The following EEF1AKMT2 variants were observed in gnomAD, a reference collection of about 807,000 sequenced individuals.
EEF1AKMT2 encodes the protein EEF1A lysine methyltransferase 2.
EEF1AKMT2 carries 32 observed loss-of-function variants against 35.8 expected under a neutral mutation model. The observed-to-expected ratio is 0.89, with a 90% CI of 0.67 to 1.20. The LOEUF is 1.20. Ranked by LOEUF, EEF1AKMT2 falls within the 50% of genes most tolerant of loss-of-function variation. The pLI is 0.00. For missense variants in EEF1AKMT2, 330 were observed against 347.5 expected (o/e 0.95, Z 0.40); for synonymous variants, 121 against 133.7 (o/e 0.91, Z 0.65).
At chr10:124,772,686 C>G (rs1365027353) in intron 4 of EEF1AKMT2, among the ~76,000 whole-genome samples, 1 of 152,136 alleles carries the variant, frequency 6.6e-6, no homozygotes, top group African/African-American at 2.4e-5. Context: ...CCTTGGCCTC[C>G]CAAAGTGCTA....
chr10:124,790,174 TA>T, intron 2 of EEF1AKMT2, 98 bp downstream of exon 2: 1 of 929,794 alleles, frequency 1.1e-6, no homozygotes, highest in Non-Finnish European at 1.7e-6. Context: ...ATTACAGGCG[TA>T]AGCCACCGCG....
intron 4 of EEF1AKMT2, among the ~76,000 whole-genome samples, chr10:124,773,119 G>C (rs1950452503): frequency 6.6e-6 from 1 of 152,226 alleles, no homozygotes; most frequent in African/African-American, 2.4e-5. Flanking sequence ...TTTAGAGTGA[G>C]AGATGTGTGA....
Position 124,791,804 on chromosome 10 carries a change from G to T in EEF1AKMT2, c.30C>A (p.Gly10=), listed in dbSNP as rs533996427. The change falls in exon 1 of 7, where the codon GGC becomes GGA. Residue 10 remains glycine, a synonymous_variant. Coordinates refer to ENST00000368836, the MANE Select transcript of EEF1AKMT2 (RefSeq NM_212554.4). ...TGTCCGACCGCGCCGCCACCGCAGCGCCACCGCCGCCGTCAGCGCCCGAGC... is the reference window on the plus strand; with the variant it reads ...TGTCCGACCGCGCCGCCACCGCAGCTCCACCGCCGCCGTCAGCGCCCGAGC... MSSGADGGG[G]AAVAARSDKG... The T allele has an allele frequency of 6.3e-7, 1 of 1,587,072 alleles. No homozygotes were observed. Among genetic ancestry groups the T allele is most frequent in the Non-Finnish European group, 8.5e-7 (1 of 1,172,208 alleles).
rs759649895 is a variant in EEF1AKMT2 at position 124,760,370 on chromosome 10, G to C, written c.*133C>G. On this transcript the variant is annotated 3_prime_UTR_variant, in exon 7 of 7. Transcript: ENST00000368836. ...TGTGTCAGGTTAACTTTGCTGTGTA[G>C]ATTCTGTGTAGCTACCTGAATTCGT... 1 of 1,417,490 alleles carries C rather than the reference G, an allele frequency of 7.1e-7. No homozygotes were observed. The highest frequency in any genetic ancestry group is 1.2e-5 in the South Asian group (1 of 85,302). 87.8% of individuals were successfully genotyped at this position (1,417,490 alleles called of 1,614,324 possible).
intron 3 of EEF1AKMT2, among the ~76,000 whole-genome samples, chr10:124,781,758 A>T (rs1021412421): frequency 1.3e-5 from 2 of 151,924 alleles, no homozygotes; most frequent in African/African-American, 4.8e-5. Flanking sequence ...GAAAGAAAAA[A>T]AAAAAGCTCA....
At chr10:124,783,972 G>A (rs965364866) in intron 3 of EEF1AKMT2, among the ~76,000 whole-genome samples, 5 of 152,100 alleles carry the variant, frequency 3.3e-5, no homozygotes, top group African/African-American at 1.2e-4. Flanking sequence ...TTACAGGCAT[G>A]CACCACCACG....
intron 4 of EEF1AKMT2, 122 bp from the exon 5 acceptor site, chr10:124,765,730 T>A: frequency 2.9e-6 from 2 of 691,584 alleles, no homozygotes; most frequent in South Asian, 4.1e-5. Flanking sequence ...ATTTTACATA[T>A]AATAAACATA....
At chr10:124,766,844 C>G (rs571864529) in intron 4 of EEF1AKMT2, among the ~76,000 whole-genome samples, 10 of 152,288 alleles carry the variant, frequency 6.6e-5, no homozygotes, top group African/African-American at 9.6e-5. Flanking sequence ...TTGTCAGGTA[C>G]TTTTCAGACC....
chr10:124,784,064 T>C (rs551727659), intron 3 of EEF1AKMT2, among the ~76,000 whole-genome samples: 5 of 152,256 alleles, frequency 3.3e-5, no homozygotes, highest in Non-Finnish European at 7.4e-5. Context: ...CCTCAGGTGA[T>C]CTGCCCACCT....
At chr10:124,761,021 C>A (rs1053158541) in intron 6 of EEF1AKMT2, among the ~76,000 whole-genome samples, 2 of 152,198 alleles carry the variant, frequency 1.3e-5, no homozygotes, top group African/African-American at 4.8e-5. Flanking sequence ...TTATGCACCA[C>A]CACACCCGGC....
At chr10:124,785,521 C>A (rs116305993) in intron 3 of EEF1AKMT2, among the ~76,000 whole-genome samples, 1 of 152,044 alleles carries the variant, frequency 6.6e-6, no homozygotes, top group East Asian at 1.9e-4. Flanking sequence ...ATCCAGAATA[C>A]GTTAAAAATT....
chr10:124,777,037 T>C (rs1950493351), intron 3 of EEF1AKMT2, among the ~76,000 whole-genome samples: 1 of 151,880 alleles, frequency 6.6e-6, no homozygotes, highest in Non-Finnish European at 1.5e-5. Flanking sequence ...CCTATCATTT[T>C]GGGAGGCCAA....
chr10:124,767,077 C>T (rs1317376781), intron 4 of EEF1AKMT2, among the ~76,000 whole-genome samples: 3 of 146,802 alleles, frequency 2.0e-5, no homozygotes, highest in African/African-American at 7.7e-5. Flanking sequence ...AGGAGAATGG[C>T]GTGAACCCGG....
chr10:124,762,450 T>A lies in EEF1AKMT2; in HGVS notation c.725A>T (p.His242Leu), dbSNP rs949509317. 1.4e-5 allele frequency: 18 copies of A among 1,301,118 alleles called. No individual in the cohort carries two copies. The African/African-American group carries it at 2.6e-4, about 19-fold the overall frequency. 80.6% of individuals were successfully genotyped at this position (1,301,118 alleles called of 1,614,324 possible). Residue 242 changes from histidine to leucine, a missense_variant, in exon 6 of 7, where the codon CAT (histidine) becomes CTT (leucine). His to Leu is a moderately conservative substitution (Grantham distance 99, BLOSUM62 -3). Coordinates refer to ENST00000368836, the MANE Select transcript of EEF1AKMT2 (RefSeq NM_212554.4). ...SRVGGTTGTHHHAWIIFVFLA... is the reference protein window; with the variant it reads ...SRVGGTTGTHLHAWIIFVFLA... Reference sequence around the variant, plus strand: ...AAATACAAAAATTATCCAGGCATGATGATGTGTGCCTGTAGTTCCACCTAC... The same window carrying A: ...AAATACAAAAATTATCCAGGCATGAAGATGTGTGCCTGTAGTTCCACCTAC...
rs1159731709 is a variant in EEF1AKMT2, at chr10:124,760,155, AT to A, written c.*347del. 5.1e-6 allele frequency: 2 copies of A among 394,158 alleles called. No individual in the cohort carries two copies. The highest frequency in any genetic ancestry group is 1.2e-4 in the South Asian group (1 of 8,442). The allele number at this position is 394,158 out of a possible 1,614,324, so 24.4% of individuals were successfully genotyped here. ...TTTAACTGTTTAGCAGTTATAGGAA[AT>A]TTTTTTAATCGAAAAGAAAACTATT... is the stretch of plus-strand genomic sequence containing the variant. On this transcript the variant is annotated 3_prime_UTR_variant, in exon 7 of 7. Transcript: ENST00000368836.
chr10:124,774,559 A>T (rs535826505), intron 4 of EEF1AKMT2, 116 bp downstream of exon 4: 1 of 523,898 alleles, frequency 1.9e-6, no homozygotes, highest in Non-Finnish European at 2.9e-6. Context: ...AAAATGTTTC[A>T]ATTTGTATTA....
At chr10:124,789,232 A>C in intron 2 of EEF1AKMT2, 75 bp from the exon 3 acceptor site, 1 of 902,486 alleles carries the variant, frequency 1.1e-6, no homozygotes, top group Non-Finnish European at 1.7e-6. Context: ...TAAGCTATTT[A>C]TACCATATGC....
intron 1 of EEF1AKMT2, among the ~76,000 whole-genome samples, chr10:124,790,776 CT>C (rs904712967): frequency 6.7e-6 from 1 of 150,146 alleles, no homozygotes; most frequent in Non-Finnish European, 1.5e-5. Flanking sequence ...CGCTTTTCTT[CT>C]TTTTTTGAGA....
chr10:124,782,372 G>A (rs1950547708), intron 3 of EEF1AKMT2, among the ~76,000 whole-genome samples: 1 of 151,850 alleles, frequency 6.6e-6, no homozygotes, highest in Non-Finnish European at 1.5e-5. Flanking sequence ...CACGAGGTCA[G>A]GAGATCGAGA....
Sources: gnomAD v4.1 joint callset for allele counts (sites outside exome capture counted in the v4.1 genomes callset) on GRCh38, gnomAD v4.1.1 for gene constraint, MANE v1.5 for transcripts, NCBI Gene and HGNC (gene_info 2026-07-23, HGNC 2026-07-21) for gene names.